Variants in GTF3C3 observed in about 807,000 individuals in gnomAD.
GTF3C3 encodes general transcription factor 3C polypeptide 3.
GTF3C3 carries 75 observed loss-of-function variants against 105.2 expected under a neutral mutation model. That is an observed-to-expected ratio of 0.71 (90% confidence interval 0.59 to 0.86). GTF3C3 has a LOEUF of 0.86. GTF3C3 is among the 40% of genes least tolerant of loss of function. GTF3C3 has a pLI of 0.00. For synonymous variants in GTF3C3, 335 were observed against 370.4 expected, an observed-to-expected ratio of 0.90 and a Z score of 1.10; for missense variants, 856 against 1,076.5, an observed-to-expected ratio of 0.80 and a Z score of 2.87.
At position 196,764,579 on chromosome 2, in the gene GTF3C3, G is replaced by T. The variant is rs1250598940; in HGVS notation, c.2645C>A (p.Thr882Asn). The T allele has an allele frequency of 3.7e-6, 6 of 1,613,718 alleles. No individual in the cohort carries two copies. The highest frequency in any genetic ancestry group is 5.1e-6 in the Non-Finnish European group (6 of 1,179,820). Residue 882 changes from threonine (T) to asparagine (N), a missense_variant, in exon 18 of 18, where the codon ACC becomes AAC. Around this residue, in one of 3 missense-constraint regions of GTF3C3, gnomAD observed 134 missense variants for 128.9 expected, o/e 1.04. Coordinates refer to ENST00000263956, the MANE Select transcript of GTF3C3 (RefSeq NM_012086.5). Reference protein sequence around the residue: ...NTGMAQTLLYTYCSI With the variant: ...NTGMAQTLLYNYCSI Reference sequence around the variant, plus strand: ...TGCGGTGCTTTATATAGAACAATAGGTATACAAAAGCGTTTGAGCCATTCC... The same window carrying T: ...TGCGGTGCTTTATATAGAACAATAGTTATACAAAAGCGTTTGAGCCATTCC...
rs999687316 is a variant in GTF3C3, at chr2:196,769,851, AG to A, written c.2385+63del. On this transcript the variant is annotated intron_variant, in intron 16 of 17. Transcript: ENST00000263956. ...CTTTTGAAGCAGGATTTTTAAAAAA[AG>A]TATTAAGTATATTCATTTTTAAGAA... 83 of 1,374,290 alleles carry A rather than the reference AG, an allele frequency of 6.0e-5. No homozygotes were observed. In the African/African-American group the frequency reaches 1.1e-3, roughly 18 times the overall value. The allele number at this position is 1,374,290 out of a possible 1,614,324, so 85.1% of individuals were successfully genotyped here. A position where few individuals can be genotyped will look rare whatever the true frequency, so the allele number is the denominator to read the frequency against.
intron 13 of GTF3C3, chr2:196,773,826 G>A: frequency 4.6e-6 from 1 of 215,220 alleles, no homozygotes; most frequent in South Asian, 6.1e-5. Flanking sequence ...AATAGGGTTT[G>A]CACTCCTATG....
intron 7 of GTF3C3, 27 bp downstream of exon 7, chr2:196,785,414 A>G (rs962807090): frequency 7.6e-7 from 1 of 1,314,976 alleles, no homozygotes; most frequent in Non-Finnish European, 1.0e-6. Context: ...TGCAAAACTT[A>G]ACAGAGAAAC....
Position 196,791,434 on chromosome 2 carries a change from G to A in GTF3C3, c.438C>T (p.Pro146=), listed in dbSNP as rs1249621574. ...MKEKRPRSKL[P]RALRGLMGEA... is the part of the protein sequence containing the mutation. ...CACCCATGAGACCTCTCAGAGCTCT[G>A]GGAAGTTTACTCCGAGGCCTTTTCT... The change falls in exon 4 of 18, where the codon CCC becomes CCT. Residue 146 remains proline (P), a synonymous_variant. Transcript: ENST00000263956. 1.2e-6 allele frequency: 2 copies of A among 1,613,668 alleles called. No individual in the cohort carries two copies. Among genetic ancestry groups the A allele is most frequent in the Non-Finnish European group, 1.7e-6 (2 of 1,179,704 alleles).
chr2:196,765,509 AAT>A (rs1188180187), intron 17 of GTF3C3, among the ~76,000 whole-genome samples: 5 of 151,448 alleles, frequency 3.3e-5, no homozygotes, highest in African/African-American at 4.8e-5. Context: ...GTGAGTAAAC[AAT>A]AGTGTTTTTA....
chr2:196,765,554 T>A (rs1474855022), intron 17 of GTF3C3, among the ~76,000 whole-genome samples: 1 of 150,114 alleles, frequency 6.7e-6, no homozygotes. Context: ...TATGTATATA[T>A]GAATATGCGT....
At chr2:196,796,244 T>C (rs1030888079) in intron 2 of GTF3C3, among the ~76,000 whole-genome samples, 5 of 152,204 alleles carry the variant, frequency 3.3e-5, no homozygotes, top group Non-Finnish European at 5.9e-5. Flanking sequence ...AAAGGATGTA[T>C]GACATTATCT....
intron 16 of GTF3C3, among the ~76,000 whole-genome samples, chr2:196,769,496 C>T (rs1699131996): frequency 2.0e-5 from 3 of 151,976 alleles, no homozygotes; most frequent in Non-Finnish European, 4.4e-5. Context: ...ATTATAAGAA[C>T]CACAAAGAAA....
At chr2:196,787,740 A>G (rs1179346821) in intron 6 of GTF3C3, among the ~76,000 whole-genome samples, 2 of 152,148 alleles carry the variant, frequency 1.3e-5, no homozygotes, top group Non-Finnish European at 2.9e-5. Flanking sequence ...TTTATTGCCT[A>G]TGTCTCCCAC....
chr2:196,765,274 TATGTTTCTAATCTTCC>T (rs1699041180), intron 17 of GTF3C3, among the ~76,000 whole-genome samples: 1 of 152,242 alleles, frequency 6.6e-6, no homozygotes, highest in East Asian at 1.9e-4. Context: ...AGATTAGACC[TATGTTTCTAATCTTCC>T]CCAATACAAA....
At position 196,785,590 on chromosome 2, in the gene GTF3C3, T is replaced by TAA; in HGVS notation, c.894-4_894-3dup. On this transcript the variant is annotated splice_polypyrimidine_tract_variant and splice_region_variant and intron_variant, in intron 6 of 17. Coordinates refer to ENST00000263956, the MANE Select transcript of GTF3C3 (RefSeq NM_012086.5). The stretch of plus-strand genomic sequence containing the variant: ...ACATCATTGGCTTCATAGTAACTCC[T>TAA]AAAAAAAAGTGGCAAAATGGATGAA... The TAA allele has an allele frequency of 6.3e-7, 1 of 1,584,560 alleles. No homozygotes were observed. Among genetic ancestry groups the TAA allele is most frequent in the Non-Finnish European group, 8.6e-7 (1 of 1,159,614 alleles).
Position 196,791,496 on chromosome 2 carries a change from T to C in GTF3C3, c.412-36A>G, listed in dbSNP as rs763170949. The C allele has an allele frequency of 4.5e-6, 7 of 1,555,752 alleles. No homozygotes were observed. In the South Asian group the frequency reaches 5.7e-5, roughly 13 times the overall value. ...GAAAAATGACATTTAGATTAAAATA[T>C]AGTGAAGTCTTAGATTTCAATTCCA... On this transcript the variant is annotated intron_variant, in intron 3 of 17. Coordinates refer to ENST00000263956, the MANE Select transcript of GTF3C3 (RefSeq NM_012086.5).
intron 6 of GTF3C3, among the ~76,000 whole-genome samples, chr2:196,788,527 AAAT>A (rs1185758890): frequency 1.1e-4 from 16 of 152,200 alleles, no homozygotes; most frequent in Admixed American, 6.5e-5. Flanking sequence ...GCTCAAGATA[AAAT>A]AATAGAAGAT....
chr2:196,767,539 T>C (rs1699089156), intron 16 of GTF3C3, among the ~76,000 whole-genome samples: 2 of 152,228 alleles, frequency 1.3e-5, no homozygotes, highest in Admixed American at 6.5e-5. Flanking sequence ...TGGTCACAAA[T>C]TTTCCTTTAT....
intron 8 of GTF3C3, among the ~76,000 whole-genome samples, chr2:196,783,890 A>G (rs1699411436): frequency 6.6e-6 from 1 of 152,158 alleles, no homozygotes; most frequent in South Asian, 2.1e-4. Context: ...CACACCTAGC[A>G]GTCCCTTACA....
intron 10 of GTF3C3, chr2:196,777,657 TA>T (rs1699281954): frequency 6.6e-6 from 1 of 152,230 alleles, no homozygotes; most frequent in Non-Finnish European, 1.5e-5. Flanking sequence ...TTTTTCACTT[TA>T]AAAACATTTT....
At chr2:196,771,164 ATTCC>A (rs1699168277) in intron 15 of GTF3C3, among the ~76,000 whole-genome samples, 1 of 152,074 alleles carries the variant, frequency 6.6e-6, no homozygotes, top group Non-Finnish European at 1.5e-5. Flanking sequence ...TTTACTTCTG[ATTCC>A]TTATTACAGA....
At chr2:196,772,818 G>C in intron 14 of GTF3C3, 98 bp downstream of exon 14, 1 of 666,000 alleles carries the variant, frequency 1.5e-6, no homozygotes, top group African/African-American at 1.8e-5. Flanking sequence ...CCAGTTTATT[G>C]TTTAATGGGA....
At chr2:196,778,338 A>G (rs1699291855) in intron 10 of GTF3C3, 1 of 152,462 alleles carries the variant, frequency 6.6e-6, no homozygotes, top group African/African-American at 2.4e-5. Flanking sequence ...TGTTGACTCT[A>G]TAAGAAATCC....
Sources: gnomAD v4.1 joint callset for allele counts (sites outside exome capture counted in the v4.1 genomes callset) on GRCh38, gnomAD v4.1.1 for gene constraint, gnomAD v4.1.1 regional missense constraint, MANE v1.5 for transcripts, NCBI Gene and HGNC (gene_info 2026-07-23, HGNC 2026-07-21) for gene names.